Variants in PCDHGA2 observed in about 807,000 individuals in gnomAD.
PCDHGA2 encodes protocadherin gamma-A2.
PCDHGA2 carries 40 observed loss-of-function variants against 59.2 expected under a neutral mutation model. That is an observed-to-expected ratio of 0.68 (90% CI 0.52 to 0.88). The LOEUF is 0.88. Among genes scored for constraint, PCDHGA2 ranks in the 40% least tolerant of loss-of-function variants. The pLI, the probability that PCDHGA2 is intolerant of heterozygous loss-of-function variation, is 0.00. For missense variants in PCDHGA2, 1,226 were observed against 1,204.0 expected (o/e 1.02, Z -0.27); for synonymous variants, 560 against 526.0 (o/e 1.06, Z -0.89).
At chr5:141,372,134 C>T (rs376964998) in intron 1 of PCDHGA2, 3 of 1,613,696 alleles carry the variant, frequency 1.9e-6, no homozygotes, top group Non-Finnish European at 2.5e-6. Context: ...TGGTGCCGCG[C>T]TCTGCAGAGC....
chr5:141,355,562 T>C, intron 1 of PCDHGA2: 1 of 1,613,794 alleles, frequency 6.2e-7, no homozygotes, highest in Non-Finnish European at 8.5e-7. Context: ...CGGGTAGAGG[T>C]GGAAATAATC....
chr5:141,447,650 TC>T (rs1036312126), intron 1 of PCDHGA2, among the ~76,000 whole-genome samples: 1 of 151,988 alleles, frequency 6.6e-6, no homozygotes, highest in Non-Finnish European at 1.5e-5. Context: ...GGTAGAATTT[TC>T]CCCCCCAGGA....
intron 1 of PCDHGA2, among the ~76,000 whole-genome samples, chr5:141,425,045 C>T (rs1374682125): frequency 6.6e-6 from 1 of 152,136 alleles, no homozygotes; most frequent in East Asian, 1.9e-4. Context: ...TGTAAACTGA[C>T]TATCTAGGGC....
At chr5:141,444,834 A>G (rs892892307) in intron 1 of PCDHGA2, among the ~76,000 whole-genome samples, 1 of 152,132 alleles carries the variant, frequency 6.6e-6, no homozygotes, top group African/African-American at 2.4e-5. Context: ...TTGTAGCTTT[A>G]TAGTAAGTCT....
Position 141,487,256 on chromosome 5 carries a change from G to T in PCDHGA2, c.2425-7551G>T. On this transcript the variant is annotated intron_variant, in intron 1 of 3. Coordinates refer to ENST00000394576, the MANE Select transcript of PCDHGA2 (RefSeq NM_018915.4). This position sits in a 1 kb window ranked among gnomAD's most constrained non-coding sequence, Gnocchi z 5.0. Reference sequence around the variant, plus strand: ...ATCTCGTCTAACCCTCTACTTGGCTGTGTCCCTAGTGGCAATTTGCTTTGT... The same window carrying T: ...ATCTCGTCTAACCCTCTACTTGGCTTTGTCCCTAGTGGCAATTTGCTTTGT... The T allele has an allele frequency of 2.5e-6, 4 of 1,614,166 alleles. No homozygotes were observed. Among genetic ancestry groups the T allele is most frequent in the Non-Finnish European group, 2.5e-6 (3 of 1,180,032 alleles).
chr5:141,404,361 C>A, intron 1 of PCDHGA2: 3 of 1,613,956 alleles, frequency 1.9e-6, no homozygotes, highest in Non-Finnish European at 2.5e-6. Context: ...AGAGGTACTT[C>A]CATCTTCTCC....
chr5:141,491,823 C>T lies in PCDHGA2; in HGVS notation c.2425-2984C>T, dbSNP rs1242708273. On this transcript the variant is annotated intron_variant, in intron 1 of 3. Transcript: ENST00000394576. The surrounding 1 kb of genome is among the most constrained non-coding windows in gnomAD (Gnocchi z 6.9). ...GCCGGCTTGGTCGCTGGCTGCGCTC[C>T]ACCCGATTCTCGGGATCATTGGACC... The T allele has an allele frequency of 2.7e-6, 4 of 1,479,038 alleles. No homozygotes were observed. Among genetic ancestry groups the T allele is most frequent in the Non-Finnish European group, 3.6e-6 (4 of 1,115,300 alleles). 91.6% of individuals were successfully genotyped at this position (1,479,038 alleles called of 1,614,324 possible).
At chr5:141,464,480 A>T (rs1013894368) in intron 1 of PCDHGA2, among the ~76,000 whole-genome samples, 4 of 151,864 alleles carry the variant, frequency 2.6e-5, no homozygotes, top group African/African-American at 7.3e-5. Flanking sequence ...CGTATAATAA[A>T]TTCCTAATAG....
chr5:141,431,725 G>A lies in PCDHGA2; in HGVS notation c.2425-63082G>A. The A allele has an allele frequency of 6.2e-7, 1 of 1,614,230 alleles. No individual in the cohort carries two copies. Among genetic ancestry groups the A allele is most frequent in the Non-Finnish European group, 8.5e-7 (1 of 1,180,044 alleles). On this transcript the variant is annotated intron_variant, in intron 1 of 3. Coordinates refer to ENST00000394576, the MANE Select transcript of PCDHGA2 (RefSeq NM_018915.4). The surrounding 1 kb of genome is among the most constrained non-coding windows in gnomAD (Gnocchi z 4.8). Reference sequence around the variant, plus strand: ...TCTACCAGATGGAAGTGCAAGCAATGGATAATGCAGGATATTCTGCGCGAG... The same window carrying A: ...TCTACCAGATGGAAGTGCAAGCAATAGATAATGCAGGATATTCTGCGCGAG...
In PCDHGA2 at chr5:141,423,840, A is replaced by G. The variant is rs189449471; in HGVS notation, c.2425-70967A>G. ...CTTTGCCTTTCATGAGATTACGATA[A>G]TCTTTCAGAACGTTTTTGTGAAAGT... On this transcript the variant is annotated intron_variant, in intron 1 of 3. Coordinates refer to ENST00000394576, the MANE Select transcript of PCDHGA2 (RefSeq NM_018915.4). 1,637 of 1,279,840 alleles carry G rather than the reference A, an allele frequency of 1.3e-3. 3 individuals carry two copies. The highest frequency in any genetic ancestry group is 1.5e-3 in the Non-Finnish European group (1,519 of 1,009,392). 79.3% of individuals were successfully genotyped at this position (1,279,840 alleles called of 1,614,324 possible).
At chr5:141,365,782 C>G in intron 1 of PCDHGA2, 1 of 1,613,910 alleles carries the variant, frequency 6.2e-7, no homozygotes, top group Non-Finnish European at 8.5e-7. Flanking sequence ...GCGGCGACAA[C>G]GCTCGAGTCA....
intron 1 of PCDHGA2, among the ~76,000 whole-genome samples, chr5:141,445,357 G>C (rs115045385): frequency 0.013 from 1,909 of 152,252 alleles, 31 homozygotes; most frequent in African/African-American, 0.044. Flanking sequence ...GTCTGCCCAA[G>C]TCTGGTCCTG....
chr5:141,365,941 T>C (rs1175439180), intron 1 of PCDHGA2: 15 of 1,614,152 alleles, frequency 9.3e-6, no homozygotes, highest in Non-Finnish European at 1.2e-5. Context: ...CCAGCGACAG[T>C]GGGAACCCTC....
intron 1 of PCDHGA2, chr5:141,478,523 G>A: frequency 1.2e-6 from 2 of 1,609,908 alleles, no homozygotes; most frequent in Non-Finnish European, 1.7e-6. Flanking sequence ...GGTGTTGGGT[G>A]CAGAGAGCGC....
chr5:141,490,517 C>T lies in PCDHGA2; in HGVS notation c.2425-4290C>T. 6.2e-7 allele frequency: 1 copy of T among 1,613,972 alleles called. No homozygotes were observed. The highest frequency in any genetic ancestry group is 2.2e-5 in the East Asian group (1 of 44,854). ...TCCCACTATATCATCGAGCTGCTGG[C>T]CAGCGATGCTGGTTCACCTTCCCTA... On this transcript the variant is annotated intron_variant, in intron 1 of 3. Coordinates refer to ENST00000394576, the MANE Select transcript of PCDHGA2 (RefSeq NM_018915.4). The surrounding 1 kb of genome is among the most constrained non-coding windows in gnomAD (Gnocchi z 5.4).
chr5:141,365,000 G>C (rs188773052), intron 1 of PCDHGA2: 16 of 1,613,704 alleles, frequency 9.9e-6, no homozygotes, highest in South Asian at 3.3e-5. Context: ...GGTACTCTCC[G>C]GCACCACGCA....
At chr5:141,478,295 T>C (rs1210224121) in intron 1 of PCDHGA2, 5 of 1,614,004 alleles carry the variant, frequency 3.1e-6, no homozygotes, top group African/African-American at 2.7e-5. Flanking sequence ...TAGAGACCTA[T>C]ACCGAGCCCC....
intron 3 of PCDHGA2, among the ~76,000 whole-genome samples, chr5:141,507,802 T>G (rs886950696): frequency 6.6e-6 from 1 of 152,204 alleles, no homozygotes; most frequent in African/African-American, 2.4e-5. Context: ...GCCTGCGCCC[T>G]GGGGAACGGA....
intron 1 of PCDHGA2, chr5:141,413,400 G>T: frequency 6.2e-7 from 1 of 1,614,060 alleles, no homozygotes. Context: ...CCAGAGGTAG[G>T]ACGCAGCTTT....
Sources: allele counts gnomAD v4.1 joint callset (sites outside exome capture counted in the v4.1 genomes callset), GRCh38; gene constraint gnomAD v4.1.1; non-coding constraint Gnocchi (gnomAD v3.1); transcripts MANE v1.5; gene names NCBI Gene and HGNC (gene_info 2026-07-23, HGNC 2026-07-21).